Variants in P2RY6 observed in about 807,000 individuals in gnomAD.
P2RY6 encodes P2Y purinoceptor 6.
In P2RY6, 19 loss-of-function variants were observed where a neutral mutation model predicts 16.3. The ratio of observed to expected loss-of-function variants is 1.16; its 90% CI spans 0.81 to 1.71. The LOEUF (loss-of-function observed/expected upper bound fraction) is 1.71. Ranked by LOEUF, P2RY6 falls within the 40% of genes most tolerant of loss-of-function variation. The pLI, the probability that P2RY6 is intolerant of heterozygous loss-of-function variation, is 0.00. For synonymous variants in P2RY6, 184 were observed against 201.5 expected (o/e 0.91, Z 0.74); for missense variants, 389 against 455.5 (o/e 0.85, Z 1.33).
In P2RY6 at chr11:73,272,434, C is replaced by T. The variant is rs1242783174; in HGVS notation, c.-153C>T. On this transcript the variant is annotated 5_prime_UTR_variant, in exon 1 of 3. It adds an upstream start codon to the 5' untranslated region. Coordinates refer to ENST00000540124, the MANE Select transcript of P2RY6 (RefSeq NM_001277204.2). ...AGTGGGAATTTGCTCCAGCACTTCA[C>T]GGACTGCAAGCGAGGCACTTGCTAA... The T allele has an allele frequency of 1.5e-5, 15 of 985,400 alleles. No individual in the cohort carries two copies. Among genetic ancestry groups the T allele is most frequent in the African/African-American group, 1.7e-5 (1 of 57,252 alleles). The allele number at this position is 985,400 out of a possible 1,614,324, so 61.0% of individuals were successfully genotyped here.
upstream of P2RY6, chr11:73,269,877 C>T (rs1033437911): frequency 1.3e-5 from 2 of 152,390 alleles, no homozygotes; most frequent in Non-Finnish European, 2.9e-5. Flanking sequence ...GTCTCTCCCC[C>T]CACACCTTCT....
rs1014201722 is a variant in P2RY6, at chr11:73,287,807, T to G, written c.-120-7923T>G. 2.0e-5 allele frequency among the ~76,000 whole-genome samples: 3 copies of G among 149,496 alleles called. No individual in the cohort carries two copies. In the East Asian group the frequency reaches 5.9e-4, roughly 29 times the overall value. The stretch of plus-strand genomic sequence containing the variant: ...TTCTCCCACTAGCTCCAGGGGAGAG[T>G]TTTTTAGGAGGCCCTGGGGATCTCC... On this transcript the variant is annotated intron_variant, in intron 1 of 2. Coordinates refer to ENST00000540124, the MANE Select transcript of P2RY6 (RefSeq NM_001277204.2).
At chr11:73,274,379 G>A (rs1863443034) in intron 1 of P2RY6, among the ~76,000 whole-genome samples, 1 of 152,102 alleles carries the variant, frequency 6.6e-6, no homozygotes, top group Non-Finnish European at 1.5e-5. Context: ...AGCAAGGTCT[G>A]TCATTGACTG....
At chr11:73,272,284 G>GCTGT (rs2135690622), upstream of P2RY6, 2 of 947,792 alleles carry the variant, frequency 2.1e-6, no homozygotes, top group Non-Finnish European at 2.5e-6. Context: ...TCTGTGCTGT[G>GCTGT]GCAAGTTACT....
chr11:73,296,236 ATATATAT>A (rs1565174450), intron 2 of P2RY6, among the ~76,000 whole-genome samples: 7 of 82,092 alleles, frequency 8.5e-5, no homozygotes, highest in African/African-American at 2.7e-4. Flanking sequence ...AAAAAAAAAT[ATATATAT>A]ATATATATAT....
intron 1 of P2RY6, among the ~76,000 whole-genome samples, chr11:73,282,768 G>A (rs1863816044): frequency 6.9e-6 from 1 of 145,932 alleles, no homozygotes; most frequent in South Asian, 2.1e-4. Context: ...AATGAATGGA[G>A]GAGGGAGGGA....
At chr11:73,296,233 A>AAAATATAT (rs57187973) in intron 2 of P2RY6, among the ~76,000 whole-genome samples, 5 of 124,508 alleles carry the variant, frequency 4.0e-5, no homozygotes, top group African/African-American at 1.4e-4. Flanking sequence ...GAAAAAAAAA[A>AAAATATAT]ATATATATAT....
At chr11:73,265,079 G>C (rs1456769242) in intron 1 of P2RY6, among the ~76,000 whole-genome samples, 1 of 152,238 alleles carries the variant, frequency 6.6e-6, no homozygotes, top group South Asian at 2.1e-4. Flanking sequence ...CTGGGTGTGC[G>C]TTGTGTGAAT....
chr11:73,267,992 A>G (rs956444212), upstream of P2RY6, among the ~76,000 whole-genome samples: 1 of 152,242 alleles, frequency 6.6e-6, no homozygotes, highest in Non-Finnish European at 1.5e-5. Context: ...GCTAAGCTAG[A>G]ACACTATGTA....
At chr11:73,290,910 C>G (rs1161790220) in intron 1 of P2RY6, among the ~76,000 whole-genome samples, 2 of 152,206 alleles carry the variant, frequency 1.3e-5, no homozygotes, top group African/African-American at 4.8e-5. Flanking sequence ...GTCCCAAGCC[C>G]TAGGATGCTG....
At chr11:73,296,233 A>AAATATATAT (rs57187973) in intron 2 of P2RY6, among the ~76,000 whole-genome samples, 96 of 124,466 alleles carry the variant, frequency 7.7e-4, no homozygotes, top group African/African-American at 3.2e-3. Context: ...GAAAAAAAAA[A>AAATATATAT]ATATATATAT....
At chr11:73,286,093 AGGCTT>A (rs1272272239) in intron 1 of P2RY6, among the ~76,000 whole-genome samples, 1 of 152,192 alleles carries the variant, frequency 6.6e-6, no homozygotes, top group African/African-American at 2.4e-5. Context: ...CCAGTCAGGG[AGGCTT>A]CAGAGAGCCC....
chr11:73,269,176 T>C (rs914934828), upstream of P2RY6, among the ~76,000 whole-genome samples: 1 of 152,148 alleles, frequency 6.6e-6, no homozygotes, highest in Admixed American at 6.5e-5. Context: ...GTAAAGCACC[T>C]GATTTATTGT....
At chr11:73,284,377 G>A (rs1308372465) in intron 1 of P2RY6, among the ~76,000 whole-genome samples, 1 of 152,132 alleles carries the variant, frequency 6.6e-6, no homozygotes, top group Non-Finnish European at 1.5e-5. Context: ...GAGAAGCCAG[G>A]AAGATCCTTG....
chr11:73,270,763 G>T (rs1182418855), upstream of P2RY6, among the ~76,000 whole-genome samples: 1 of 152,130 alleles, frequency 6.6e-6, no homozygotes, highest in South Asian at 2.1e-4. Context: ...GCACTAGCCT[G>T]CTGCTGAGAT....
Position 73,296,406 on chromosome 11 carries a change from G to A in P2RY6, c.-34-79G>A, listed in dbSNP as rs575569332. The A allele has an allele frequency of 1.5e-4, 197 of 1,315,650 alleles. No individual in the cohort carries two copies. In the African/African-American group the frequency reaches 2.5e-3, roughly 17 times the overall value. The allele number at this position is 1,315,650 out of a possible 1,614,324, so 81.5% of individuals were successfully genotyped here. On this transcript the variant is annotated intron_variant, in intron 2 of 2. Transcript: ENST00000540124. ...AGTGCCCTCACTGTTCAGACAGGGA[G>A]ATCAAGGCCCGAGGAGGGGCAGGGC... is the stretch of plus-strand genomic sequence containing the variant.
intron 1 of P2RY6, among the ~76,000 whole-genome samples, chr11:73,287,915 C>T (rs1445807831): frequency 1.3e-5 from 2 of 152,178 alleles, no homozygotes; most frequent in Non-Finnish European, 2.9e-5. Context: ...CTCTGCTCAC[C>T]GGGGGCTGCC....
chr11:73,294,247 G>T (rs1045887236), intron 1 of P2RY6, among the ~76,000 whole-genome samples: 1 of 152,162 alleles, frequency 6.6e-6, no homozygotes, highest in Admixed American at 6.5e-5. Context: ...GCTCTGAAAA[G>T]TCTCTTCCAT....
chr11:73,294,482 T>G (rs1864396227), intron 1 of P2RY6, among the ~76,000 whole-genome samples: 1 of 152,240 alleles, frequency 6.6e-6, no homozygotes, highest in South Asian at 2.1e-4. Context: ...AATCCTGGCT[T>G]CCTGGCTATG....
Sources: allele counts gnomAD v4.1 joint callset (sites outside exome capture counted in the v4.1 genomes callset), GRCh38; gene constraint gnomAD v4.1.1; transcripts MANE v1.5; gene names NCBI Gene and HGNC (gene_info 2026-07-23, HGNC 2026-07-21).